RBFOX1: variants seen among roughly 807,000 people sequenced by gnomAD.
RBFOX1 encodes the protein RNA binding protein fox-1 homolog 1.
A neutral mutation model predicts 57.7 loss-of-function variants in RBFOX1; 8 were observed. The ratio of observed to expected loss-of-function variants is 0.14; its 90% CI spans 0.08 to 0.25. The LOEUF is 0.25. RBFOX1 is among the 10% of genes least tolerant of loss of function. RBFOX1 has a pLI of 1.00. For synonymous variants in RBFOX1, 326 were observed against 222.4 expected (o/e 1.47, Z -4.15); for missense variants, 611 against 548.5 (o/e 1.11, Z -1.14).
chr16:6,832,073 A>G (rs1469377358), intron 3 of RBFOX1, among the ~76,000 whole-genome samples: 1 of 152,234 alleles, frequency 6.6e-6, no homozygotes, highest in Non-Finnish European at 1.5e-5. Flanking sequence ...TTAATCAACC[A>G]TTTGTAGACA....
chr16:6,947,889 G>C (rs1341787138), intron 3 of RBFOX1, among the ~76,000 whole-genome samples: 2 of 152,106 alleles, frequency 1.3e-5, no homozygotes, highest in Non-Finnish European at 2.9e-5. Flanking sequence ...CGTTTCTCCT[G>C]CCTCAGCCCC....
chr16:5,266,410 A>C (rs2062858976), intron 1 of RBFOX1, among the ~76,000 whole-genome samples: 1 of 152,274 alleles, frequency 6.6e-6, no homozygotes, highest in African/African-American at 2.4e-5. Context: ...GCTCTCATAA[A>C]GGACAATGTC....
intron 1 of RBFOX1, among the ~76,000 whole-genome samples, chr16:6,134,319 T>C (rs2096650671): frequency 6.6e-6 from 1 of 152,234 alleles, no homozygotes; most frequent in South Asian, 2.1e-4. Flanking sequence ...TTACGGTTAT[T>C]GGATTCAGGT....
chr16:7,350,798 A>G (rs550976304), intron 4 of RBFOX1, among the ~76,000 whole-genome samples: 1 of 152,264 alleles, frequency 6.6e-6, no homozygotes, highest in East Asian at 1.9e-4. Flanking sequence ...ATGGAATGAG[A>G]GGTAGAGGAC....
At chr16:6,543,162 C>G (rs2096847550) in intron 2 of RBFOX1, among the ~76,000 whole-genome samples, 1 of 152,158 alleles carries the variant, frequency 6.6e-6, no homozygotes, top group South Asian at 2.1e-4. Flanking sequence ...TACCCCATCC[C>G]TTAGGTGGAA....
At chr16:7,610,438 C>T (rs1465348326) in intron 10 of RBFOX1, among the ~76,000 whole-genome samples, 1 of 151,690 alleles carries the variant, frequency 6.6e-6, no homozygotes, top group Non-Finnish European at 1.5e-5. Context: ...TATGATCATG[C>T]TACTGCTCTG....
At chr16:6,433,572 C>G (rs975421452) in intron 2 of RBFOX1, among the ~76,000 whole-genome samples, 4 of 152,204 alleles carry the variant, frequency 2.6e-5, no homozygotes, top group African/African-American at 9.6e-5. Context: ...AATTCAGTGG[C>G]TTAAAGCAAG....
At chr16:7,332,920 G>A in intron 4 of RBFOX1, 1 of 1,599,496 alleles carries the variant, frequency 6.3e-7, no homozygotes, top group Non-Finnish European at 8.5e-7. Flanking sequence ...TTGTAGTTCG[G>A]AAGAAGTTGG....
At chr16:6,302,066 A>C (rs1426302733) in intron 1 of RBFOX1, among the ~76,000 whole-genome samples, 1 of 152,124 alleles carries the variant, frequency 6.6e-6, no homozygotes, top group African/African-American at 2.4e-5. Flanking sequence ...CGGAGATGCA[A>C]ATATTTTTAT....
intron 3 of RBFOX1, among the ~76,000 whole-genome samples, chr16:5,852,064 A>G (rs546312760): frequency 6.6e-6 from 1 of 152,348 alleles, no homozygotes; most frequent in East Asian, 1.9e-4. Flanking sequence ...ATCAATTGGC[A>G]TTATATGTTA....
At chr16:5,763,996 G>A (rs1567509813) in intron 3 of RBFOX1, among the ~76,000 whole-genome samples, 1 of 152,250 alleles carries the variant, frequency 6.6e-6, no homozygotes, top group East Asian at 1.9e-4. Flanking sequence ...TGCACCTCAA[G>A]GGCAGGTACT....
At chr16:6,455,515 A>T (rs780208444) in intron 2 of RBFOX1, among the ~76,000 whole-genome samples, 81 of 152,312 alleles carry the variant, frequency 5.3e-4, no homozygotes, top group Middle Eastern at 3.4e-3. Context: ...CAGGAGTTCT[A>T]TGAATGCACT....
At chr16:7,637,013 G>A (rs1158520216) in intron 11 of RBFOX1, among the ~76,000 whole-genome samples, 1 of 152,144 alleles carries the variant, frequency 6.6e-6, no homozygotes, top group Non-Finnish European at 1.5e-5. Flanking sequence ...ATGAATTTGA[G>A]TGGAGAGGAC....
chr16:7,148,427 C>T (rs1261700705), intron 4 of RBFOX1, among the ~76,000 whole-genome samples: 3 of 152,158 alleles, frequency 2.0e-5, no homozygotes, highest in African/African-American at 7.2e-5. Context: ...ATCTTAAGTT[C>T]CTTCTCTATG....
chr16:7,082,145 A>G (rs145913328), intron 4 of RBFOX1, among the ~76,000 whole-genome samples: 1 of 152,126 alleles, frequency 6.6e-6, no homozygotes, highest in Non-Finnish European at 1.5e-5. Context: ...CCTGTTATCT[A>G]TCTTGGTAAA....
At chr16:7,268,138 C>T (rs116932863) in intron 4 of RBFOX1, among the ~76,000 whole-genome samples, 104 of 152,304 alleles carry the variant, frequency 6.8e-4, no homozygotes, top group South Asian at 6.2e-4. Flanking sequence ...AGTGTCCCTG[C>T]ACCTCAATAT....
Position 6,777,600 on chromosome 16 carries a change from C to G in RBFOX1, c.-16+122950C>G, listed in dbSNP as rs146632909. Among the ~76,000 whole-genome samples the G allele has an allele frequency of 2.0e-5, 3 of 152,222 alleles. No homozygotes were observed. In the South Asian group the frequency reaches 6.2e-4, roughly 32 times the overall value. ...CAGATTAGGGGGGAAAGAAAGAGAA[C>G]AGAATGATGGAAATTTCACACGTTA... On this transcript the variant is annotated intron_variant, in intron 3 of 15. Coordinates refer to ENST00000550418, the MANE Select transcript of RBFOX1 (RefSeq NM_018723.4).
chr16:5,599,240 T>A, exon 3 of RBFOX1: 1 of 683,158 alleles, frequency 1.5e-6, no homozygotes, highest in South Asian at 1.6e-5. Flanking sequence ...CGGGGCACAG[T>A]GGTTGGTGAC....
chr16:6,416,633 G>A (rs1567225942), intron 2 of RBFOX1, among the ~76,000 whole-genome samples: 2 of 152,216 alleles, frequency 1.3e-5, no homozygotes, highest in East Asian at 1.9e-4. Context: ...GAACCCCAAG[G>A]CGTGTGTGCT....
Sources: gnomAD v4.1 joint callset for allele counts (sites outside exome capture counted in the v4.1 genomes callset) on GRCh38, gnomAD v4.1.1 for gene constraint, MANE v1.5 for transcripts, NCBI Gene and HGNC (gene_info 2026-07-23, HGNC 2026-07-21) for gene names.